Variants in GPC6 observed in about 807,000 individuals in gnomAD.
GPC6 encodes glypican-6.
GPC6 carries 14 observed loss-of-function variants against 55.2 expected under a neutral mutation model. The ratio of observed to expected loss-of-function variants is 0.25; its 90% CI spans 0.17 to 0.40. The LOEUF (loss-of-function observed/expected upper bound fraction) is 0.40, where lower values mean the gene tolerates loss of function less well. Among genes scored for constraint, GPC6 ranks in the 10% least tolerant of loss-of-function variants. The pLI, the probability that GPC6 is intolerant of heterozygous loss-of-function variation, is 1.00. For missense variants in GPC6, 641 were observed against 708.5 expected (o/e 0.90, Z 1.08); for synonymous variants, 278 against 259.6 (o/e 1.07, Z -0.68).
At chr13:94,355,590 G>T (rs1391946412) in intron 6 of GPC6, among the ~76,000 whole-genome samples, 2 of 152,136 alleles carry the variant, frequency 1.3e-5, no homozygotes, top group Non-Finnish European at 2.9e-5. Context: ...TGATGAAATT[G>T]TATGCTATTA....
intron 4 of GPC6, among the ~76,000 whole-genome samples, chr13:94,127,682 T>C (rs1466357009): frequency 6.6e-6 from 1 of 152,168 alleles, no homozygotes; most frequent in Admixed American, 6.6e-5. Context: ...GGGCAGATAA[T>C]ATTTTGCTAA....
intron 2 of GPC6, among the ~76,000 whole-genome samples, chr13:93,728,859 C>T (rs60759031): frequency 0.038 from 5,739 of 152,192 alleles, 327 homozygotes; most frequent in East Asian, 0.28. Flanking sequence ...TGAGCCACTG[C>T]GCCCAGCCTT....
At chr13:94,053,123 G>A (rs923574795) in intron 4 of GPC6, among the ~76,000 whole-genome samples, 9 of 152,170 alleles carry the variant, frequency 5.9e-5, no homozygotes, top group Admixed American at 2.6e-4. Flanking sequence ...CAGAATTACT[G>A]CATCTTAGCC....
At chr13:93,341,830 A>AT (rs1566308046) in intron 1 of GPC6, among the ~76,000 whole-genome samples, 1 of 148,180 alleles carries the variant, frequency 6.7e-6, no homozygotes, top group African/African-American at 2.5e-5. Context: ...TGTCCAGAAG[A>AT]TTTTTTTCTG....
intron 3 of GPC6, among the ~76,000 whole-genome samples, chr13:93,874,263 A>C (rs1210599404): frequency 6.6e-6 from 1 of 151,788 alleles, no homozygotes; most frequent in African/African-American, 2.4e-5. Flanking sequence ...CATGTGTTTT[A>C]TCATTTAGCT....
chr13:94,260,760 CTGAAGAGAAGGGG>C (rs984709944), intron 4 of GPC6, among the ~76,000 whole-genome samples: 2 of 152,058 alleles, frequency 1.3e-5, no homozygotes, highest in African/African-American at 4.8e-5. Flanking sequence ...AAATGATTGA[CTGAAGAGAAGGGG>C]TCAGATCAGA....
intron 1 of GPC6, among the ~76,000 whole-genome samples, chr13:93,273,104 T>G (rs1877594025): frequency 2.0e-5 from 3 of 152,202 alleles, no homozygotes. Flanking sequence ...GTGAATACAC[T>G]GTATGCTAGA....
intron 1 of GPC6, among the ~76,000 whole-genome samples, chr13:93,433,664 G>C (rs1384317400): frequency 6.6e-6 from 1 of 152,080 alleles, no homozygotes; most frequent in African/African-American, 2.4e-5. Context: ...TAATAACCTT[G>C]CTAACATTGA....
intron 4 of GPC6, among the ~76,000 whole-genome samples, chr13:94,062,575 A>G (rs927069174): frequency 4.6e-5 from 7 of 152,034 alleles, no homozygotes; most frequent in Non-Finnish European, 7.4e-5. Flanking sequence ...TCTATGTCCT[A>G]TTTCCTCTCC....
At position 93,732,365 on chromosome 13, in the gene GPC6, T is replaced by C. The variant is rs140859240; in HGVS notation, c.320-97789T>C. On this transcript the variant is annotated intron_variant, in intron 2 of 8. Coordinates refer to ENST00000377047, the MANE Select transcript of GPC6 (RefSeq NM_005708.5). Reference sequence around the variant, plus strand: ...CACCACCACAACAAAAAAACAAATATTGGAGATGAATATAAGACAGATGAT... The same window carrying C: ...CACCACCACAACAAAAAAACAAATACTGGAGATGAATATAAGACAGATGAT... Among the ~76,000 whole-genome samples, 75 of 152,192 alleles carry C rather than the reference T, an allele frequency of 4.9e-4. 1 individual carries two copies. Among genetic ancestry groups the C allele is most frequent in the Middle Eastern group, 6.8e-3 (2 of 294 alleles).
chr13:93,635,329 T>C (rs1220642386), intron 2 of GPC6, among the ~76,000 whole-genome samples: 2 of 152,056 alleles, frequency 1.3e-5, no homozygotes, highest in Non-Finnish European at 2.9e-5. Context: ...CCCAGCACTG[T>C]CCCATGAAAG....
At chr13:93,611,943 A>T (rs1878480458) in intron 2 of GPC6, among the ~76,000 whole-genome samples, 1 of 152,176 alleles carries the variant, frequency 6.6e-6, no homozygotes, top group Admixed American at 6.5e-5. Flanking sequence ...AATAAAATTA[A>T]ACTCACAGTC....
intron 3 of GPC6, among the ~76,000 whole-genome samples, chr13:93,903,997 T>C (rs1876499701): frequency 6.6e-6 from 1 of 152,100 alleles, no homozygotes; most frequent in African/African-American, 2.4e-5. Context: ...TGTTGATTAA[T>C]AGATTAAAGT....
At chr13:93,599,074 G>A (rs1200218584) in intron 2 of GPC6, among the ~76,000 whole-genome samples, 1 of 152,132 alleles carries the variant, frequency 6.6e-6, no homozygotes, top group Non-Finnish European at 1.5e-5. Flanking sequence ...GAATCATCAT[G>A]AGAACATATA....
At chr13:93,285,829 G>A (rs555476985) in intron 1 of GPC6, among the ~76,000 whole-genome samples, 1 of 152,140 alleles carries the variant, frequency 6.6e-6, no homozygotes, top group South Asian at 2.1e-4. Flanking sequence ...AATTGTGGAA[G>A]TATAGATATT....
intron 2 of GPC6, among the ~76,000 whole-genome samples, chr13:93,813,503 A>G (rs1886760220): frequency 6.6e-6 from 1 of 152,174 alleles, no homozygotes; most frequent in African/African-American, 2.4e-5. Context: ...GAAATAGCAA[A>G]AGAACCCTGC....
At chr13:93,495,110 G>T (rs1880207373) in intron 1 of GPC6, among the ~76,000 whole-genome samples, 1 of 110,556 alleles carries the variant, frequency 9.0e-6, no homozygotes, top group Admixed American at 9.4e-5. Context: ...ATAATATCCT[G>T]CAGAGTGTTT....
chr13:93,628,327 G>C (rs780403011), intron 2 of GPC6, among the ~76,000 whole-genome samples: 3 of 152,182 alleles, frequency 2.0e-5, no homozygotes, highest in Non-Finnish European at 2.9e-5. Context: ...AGGGAGGAGA[G>C]ACTCTGATTC....
chr13:93,395,472 C>A, intron 1 of GPC6: 1 of 214,936 alleles, frequency 4.7e-6, no homozygotes, highest in Non-Finnish European at 9.4e-6. Context: ...TCAATCACAT[C>A]AATTTTCCCA....
Sources: gnomAD v4.1 joint callset for allele counts (sites outside exome capture counted in the v4.1 genomes callset) on GRCh38, gnomAD v4.1.1 for gene constraint, MANE v1.5 for transcripts, NCBI Gene and HGNC (gene_info 2026-07-23, HGNC 2026-07-21) for gene names.